Variants in ASTN2 observed in about 807,000 individuals in gnomAD.
ASTN2 encodes astrotactin 2.
ASTN2 carries 54 observed loss-of-function variants against 139.8 expected under a neutral mutation model. The ratio of observed to expected loss-of-function variants is 0.39; its 90% CI spans 0.31 to 0.48. The LOEUF is 0.48. ASTN2 is among the 20% of genes least tolerant of loss of function. ASTN2 has a pLI of 0.95. For synonymous variants in ASTN2, 756 were observed against 719.5 expected (o/e 1.05, Z -0.81); for missense variants, 1,565 against 1,725.1 (o/e 0.91, Z 1.64).
chr9:117,051,605 C>T (rs990077217), intron 5 of ASTN2, among the ~76,000 whole-genome samples: 9 of 152,154 alleles, frequency 5.9e-5, no homozygotes, highest in African/African-American at 2.2e-4. Context: ...TCCAAGGTAC[C>T]CCTTTGGTTC....
chr9:116,863,532 TG>T, intron 11 of ASTN2, 50 bp downstream of exon 11: 2 of 1,591,136 alleles, frequency 1.3e-6, no homozygotes, highest in African/African-American at 1.3e-5. Context: ...TTCTAGCAGG[TG>T]GCCTTAGCCC....
chr9:117,025,311 C>T (rs1407278256), intron 6 of ASTN2, among the ~76,000 whole-genome samples: 1 of 152,298 alleles, frequency 6.6e-6, no homozygotes, highest in East Asian at 1.9e-4. Flanking sequence ...CAACTAGCTA[C>T]TTGGCAATAT....
At chr9:116,535,185 T>G (rs898221314) in intron 19 of ASTN2, among the ~76,000 whole-genome samples, 1 of 152,126 alleles carries the variant, frequency 6.6e-6, no homozygotes, top group African/African-American at 2.4e-5. Flanking sequence ...GATTGCAACC[T>G]CTGCCTTTTT....
intron 2 of ASTN2, among the ~76,000 whole-genome samples, chr9:117,267,926 A>G (rs1833972389): frequency 6.6e-6 from 1 of 152,206 alleles, no homozygotes; most frequent in Non-Finnish European, 1.5e-5. Flanking sequence ...CTCCAGCCAG[A>G]GCAGACCCAC....
At chr9:117,384,092 T>A (rs1376093086) in intron 1 of ASTN2, among the ~76,000 whole-genome samples, 1 of 152,138 alleles carries the variant, frequency 6.6e-6, no homozygotes, top group African/African-American at 2.4e-5. Flanking sequence ...GGAATATCGG[T>A]AGAGCAGCTC....
At chr9:116,621,847 C>G (rs1432212960) in intron 17 of ASTN2, among the ~76,000 whole-genome samples, 1 of 152,172 alleles carries the variant, frequency 6.6e-6, no homozygotes, top group Non-Finnish European at 1.5e-5. Flanking sequence ...TCAAGTTTTA[C>G]CTTCTATTTT....
At chr9:116,681,132 C>T (rs891197911) in intron 16 of ASTN2, among the ~76,000 whole-genome samples, 2 of 152,202 alleles carry the variant, frequency 1.3e-5, no homozygotes, top group African/African-American at 4.8e-5. Flanking sequence ...ACCCCATTGT[C>T]TCAGCCCAAA....
intron 20 of ASTN2, among the ~76,000 whole-genome samples, chr9:116,460,971 G>A (rs994828481): frequency 6.6e-6 from 1 of 151,904 alleles, no homozygotes; most frequent in African/African-American, 2.4e-5. Context: ...CCTATTTTTT[G>A]GCTAAACAGA....
chr9:116,428,248 G>A (rs1174545126), intron 22 of ASTN2, among the ~76,000 whole-genome samples: 61 of 152,158 alleles, frequency 4.0e-4, no homozygotes, highest in Admixed American at 3.7e-3. Flanking sequence ...AAAGGTGGCC[G>A]GGCACGGCGG....
At position 117,040,179 on chromosome 9, in the gene ASTN2, T is replaced by C. The variant is rs190191594; in HGVS notation, c.1277-214A>G. ...AACACTCCGCAAAATGGGCTTCTTA[T>C]GATTCCTTTGGGTAAGCATAAAAGA... is the stretch of plus-strand genomic sequence containing the variant. On this transcript the variant is annotated intron_variant, in intron 5 of 22. Transcript: ENST00000313400. 4.5e-4 allele frequency among the ~76,000 whole-genome samples: 69 copies of C among 152,382 alleles called. No individual in the cohort carries two copies. The East Asian group carries it at 9.4e-3, about 21-fold the overall frequency.
intron 1 of ASTN2, among the ~76,000 whole-genome samples, chr9:117,375,970 G>A (rs913615199): frequency 6.6e-6 from 1 of 151,824 alleles, no homozygotes; most frequent in Non-Finnish European, 1.5e-5. Flanking sequence ...CATCCCCCTC[G>A]ATGAGTCTAA....
chr9:116,580,581 G>A (rs936611658), intron 19 of ASTN2, among the ~76,000 whole-genome samples: 1 of 152,168 alleles, frequency 6.6e-6, no homozygotes, highest in Non-Finnish European at 1.5e-5. Context: ...GGGATGGCCA[G>A]CCATAATTGC....
At chr9:117,263,760 T>C (rs949333391) in intron 2 of ASTN2, among the ~76,000 whole-genome samples, 6 of 152,216 alleles carry the variant, frequency 3.9e-5, no homozygotes, top group African/African-American at 1.4e-4. Flanking sequence ...CTGGACACAC[T>C]TGATGTTCAC....
chr9:116,818,359 C>CGAGAGATGG (rs1831393651), intron 12 of ASTN2, among the ~76,000 whole-genome samples: 1 of 152,236 alleles, frequency 6.6e-6, no homozygotes, highest in Non-Finnish European at 1.5e-5. Flanking sequence ...GACCATCTCT[C>CGAGAGATGG]TCACAAGTAT....
chr9:117,237,045 G>A (rs1833065893), intron 2 of ASTN2, among the ~76,000 whole-genome samples: 1 of 152,160 alleles, frequency 6.6e-6, no homozygotes, highest in Non-Finnish European at 1.5e-5. Context: ...ATCACAGAGT[G>A]GGTGAGACTA....
chr9:116,800,532 G>A (rs1187418414), intron 13 of ASTN2, among the ~76,000 whole-genome samples: 2 of 152,144 alleles, frequency 1.3e-5, no homozygotes, highest in Admixed American at 6.6e-5. Context: ...AGTGGTCTTT[G>A]CCTAAGATCC....
At chr9:117,119,762 G>A (rs1423096687) in intron 4 of ASTN2, among the ~76,000 whole-genome samples, 3 of 151,826 alleles carry the variant, frequency 2.0e-5, no homozygotes, top group Non-Finnish European at 4.4e-5. Context: ...GCCAGAGACT[G>A]ACAAAAATGA....
At chr9:117,210,981 C>CA (rs57888812) in intron 3 of ASTN2, among the ~76,000 whole-genome samples, 123,633 of 137,020 alleles carry the variant, frequency 0.9, 55,788 homozygotes, top group Middle Eastern at 0.94. Flanking sequence ...CATCTCAAAG[C>CA]AAAAAAAAAA....
chr9:116,455,236 C>A (rs1216054609), intron 20 of ASTN2, among the ~76,000 whole-genome samples: 3 of 151,592 alleles, frequency 2.0e-5, no homozygotes, highest in South Asian at 2.1e-4. Context: ...GTAATCCCAG[C>A]TACTCAGAAG....
Sources: allele counts gnomAD v4.1 joint callset (sites outside exome capture counted in the v4.1 genomes callset), GRCh38; gene constraint gnomAD v4.1.1; transcripts MANE v1.5; gene names NCBI Gene and HGNC (gene_info 2026-07-23, HGNC 2026-07-21).